The following SGO1 variants were observed in gnomAD, a reference collection of about 807,000 sequenced individuals.
The protein encoded by SGO1 is shugoshin 1.
SGO1 carries 39 observed loss-of-function variants against 50.5 expected under a neutral mutation model. That is an observed-to-expected ratio of 0.77 (90% CI 0.60 to 1.01). The LOEUF (loss-of-function observed/expected upper bound fraction) is 1.01. Among genes scored for constraint, SGO1 ranks in the 50% least tolerant of loss-of-function variants. SGO1 has a pLI of 0.00. For synonymous variants in SGO1, 191 were observed against 205.1 expected (o/e 0.93, Z 0.59); for missense variants, 638 against 606.0 (o/e 1.05, Z -0.55).
chr3:20,167,958 A>G (rs1378510792), downstream of SGO1, among the ~76,000 whole-genome samples: 1 of 152,234 alleles, frequency 6.6e-6, no homozygotes, highest in Non-Finnish European at 1.5e-5. Context: ...AGTCTGATTT[A>G]TATAATAAAC....
chr3:20,161,285 AT>A, intron 8 of SGO1: 1 of 1,414,140 alleles, frequency 7.1e-7, no homozygotes, highest in Non-Finnish European at 9.3e-7. Flanking sequence ...TAGTCCACAG[AT>A]TTTATTCAGA....
intron 6 of SGO1, among the ~76,000 whole-genome samples, chr3:20,173,458 A>T (rs1440955421): frequency 6.6e-6 from 1 of 152,160 alleles, no homozygotes; most frequent in Non-Finnish European, 1.5e-5. Context: ...ATTTTTAAAA[A>T]AGATACTTGC....
chr3:20,162,316 T>C (rs1196191826), intron 8 of SGO1, among the ~76,000 whole-genome samples: 1 of 152,216 alleles, frequency 6.6e-6, no homozygotes, highest in Non-Finnish European at 1.5e-5. Context: ...GCAGCCAGAA[T>C]GGATAGACCT....
At chr3:20,169,355 C>T (rs1700490709), downstream of SGO1, 9 of 984,118 alleles carry the variant, frequency 9.1e-6, no homozygotes, top group South Asian at 3.3e-4. Flanking sequence ...GATTAACTCA[C>T]CTAGAACACC....
Position 20,176,602 on chromosome 3 carries a change from T to C in SGO1, c.474A>G (p.Glu158=). ...LPGQGESFQI[E]DQIPTIPQDT... is the part of the protein sequence containing the mutation. ...TTTTTAGATTTTCACTTGAATTACC[T>C]TCTATTTGAAATGATTCTCCTTGTC... The change falls in exon 5 of 8, where the codon GAA becomes GAG. Residue 158 remains glutamate, a splice_region_variant and synonymous_variant. Coordinates refer to ENST00000412997, the MANE Select transcript of SGO1 (RefSeq NM_001199251.3). 1 of 1,559,012 alleles carries C rather than the reference T, an allele frequency of 6.4e-7. No individual in the cohort carries two copies. Among genetic ancestry groups the C allele is most frequent in the Admixed American group, 2.0e-5 (1 of 49,938 alleles).
chr3:20,164,662 A>G (rs1700202905), downstream of SGO1, among the ~76,000 whole-genome samples: 1 of 151,602 alleles, frequency 6.6e-6, no homozygotes, highest in Non-Finnish European at 1.5e-5. Context: ...AATTAAGATC[A>G]TATACAAAAA....
chr3:20,175,103 AT>A (rs1701236910), intron 5 of SGO1, 48 bp from the exon 6 acceptor site: 1 of 1,364,780 alleles, frequency 7.3e-7, no homozygotes, highest in Non-Finnish European at 9.5e-7. Context: ...CTTTGTGGAA[AT>A]TTGAATTTCA....
At chr3:20,168,053 TG>T (rs1403393570), downstream of SGO1, among the ~76,000 whole-genome samples, 2 of 152,238 alleles carry the variant, frequency 1.3e-5, no homozygotes, top group Non-Finnish European at 2.9e-5. Flanking sequence ...TGTAAAATGA[TG>T]TGTACAATAT....
exon 9 of SGO1, chr3:20,160,934 T>A: frequency 1.1e-6 from 1 of 931,098 alleles, no homozygotes; most frequent in Non-Finnish European, 1.6e-6. Context: ...AAAGTTGCTA[T>A]CTCTAATTAA....
Position 20,175,035 on chromosome 3 carries a change from G to T in SGO1, c.496C>A (p.Gln166Lys). Reference protein sequence around the residue: ...QIEDQIPTIPQDTLGVDFDSG... With the variant: ...QIEDQIPTIPKDTLGVDFDSG... ...TCAAAATCAACTCCCAGTGTGTCTT[G>T]AGGAATAGTAGGTATCTGATCTGAG... The change falls in exon 6 of 8, where the codon CAA becomes AAA. Residue 166 changes from glutamine (Q) to lysine (K), a missense_variant. Transcript: ENST00000412997. 6.4e-7 allele frequency: 1 copy of T among 1,558,832 alleles called. No homozygotes were observed. Among genetic ancestry groups the T allele is most frequent in the South Asian group, 1.2e-5 (1 of 82,088 alleles).
intron 6 of SGO1, among the ~76,000 whole-genome samples, chr3:20,173,157 G>C (rs1309384896): frequency 2.0e-5 from 3 of 148,868 alleles, no homozygotes; most frequent in African/African-American, 7.5e-5. Flanking sequence ...TTGAGACTGA[G>C]TTTCGCTCTT....
At chr3:20,166,268 T>G (rs906495333), downstream of SGO1, among the ~76,000 whole-genome samples, 1 of 152,164 alleles carries the variant, frequency 6.6e-6, no homozygotes, top group Admixed American at 6.5e-5. Context: ...ATCTAATATA[T>G]ATAAAAACTA....
rs371159440 is a variant in SGO1, at chr3:20,176,588, T to C, written c.475+13A>G. 12 of 1,526,236 alleles carry C rather than the reference T, an allele frequency of 7.9e-6. No homozygotes were observed. In the African/African-American group the frequency reaches 1.4e-4, roughly 18 times the overall value. 94.5% of individuals were successfully genotyped at this position (1,526,236 alleles called of 1,614,324 possible). On this transcript the variant is annotated intron_variant, in intron 5 of 7. Transcript: ENST00000412997. Reference sequence around the variant, plus strand: ...TGCCCTTAATAATATTTTTAGATTTTCACTTGAATTACCTTCTATTTGAAA... The same window carrying C: ...TGCCCTTAATAATATTTTTAGATTTCCACTTGAATTACCTTCTATTTGAAA...
chr3:20,170,925 G>T, intron 7 of SGO1, 110 bp from the exon 8 acceptor site: 1 of 1,476,982 alleles, frequency 6.8e-7, no homozygotes, highest in East Asian at 2.4e-5. Context: ...TCTCACTTCA[G>T]TTTTTTTAAA....
chr3:20,180,245 C>T (rs1357057428), intron 3 of SGO1, among the ~76,000 whole-genome samples: 1 of 152,078 alleles, frequency 6.6e-6, no homozygotes, highest in Admixed American at 6.6e-5. Context: ...CATGATATGC[C>T]ACTGCACTTC....
chr3:20,186,802 ATTAT>A (rs1377325328), upstream of SGO1: 1 of 152,042 alleles, frequency 6.6e-6, no homozygotes, highest in East Asian at 1.9e-4. Context: ...GTCCTTAATG[ATTAT>A]TTATCCTCTC....
chr3:20,169,468 G>C, downstream of SGO1: 3 of 981,402 alleles, frequency 3.1e-6, no homozygotes, highest in Non-Finnish European at 2.4e-6. Context: ...TTAAAGAATA[G>C]AAGGAAAGCA....
In SGO1 at chr3:20,169,670, A is replaced by G; in HGVS notation, c.*1034T>C. ...TAATCTCTGAGATTTCTGACTAAAT[A>G]AGGAGCTACCCTGAAAGTACATGAC... On this transcript the variant is annotated 3_prime_UTR_variant, in exon 8 of 8. Coordinates refer to ENST00000412997, the MANE Select transcript of SGO1 (RefSeq NM_001199251.3). The G allele has an allele frequency of 1.1e-6, 1 of 949,424 alleles. No homozygotes were observed. Among genetic ancestry groups the G allele is most frequent in the Non-Finnish European group, 1.3e-6 (1 of 797,296 alleles). The allele number at this position is 949,424 out of a possible 1,614,324, so 58.8% of individuals were successfully genotyped here. A position where few individuals can be genotyped will look rare whatever the true frequency, so the allele number is the denominator to read the frequency against.
chr3:20,178,641 T>C (rs1038613737), intron 3 of SGO1, among the ~76,000 whole-genome samples: 1 of 152,226 alleles, frequency 6.6e-6, no homozygotes, highest in Admixed American at 6.5e-5. Flanking sequence ...TCAGGTTGGA[T>C]TGCTCTTTTA....
Sources: gnomAD v4.1 joint callset for allele counts (sites outside exome capture counted in the v4.1 genomes callset) on GRCh38, gnomAD v4.1.1 for gene constraint, MANE v1.5 for transcripts, NCBI Gene and HGNC (gene_info 2026-07-23, HGNC 2026-07-21) for gene names.